Variants in PRTG observed in about 807,000 individuals in gnomAD.
PRTG encodes protogenin.
PRTG carries 67 observed loss-of-function variants against 122.5 expected under a neutral mutation model. The observed-to-expected ratio is 0.55, with a 90% CI of 0.45 to 0.67. PRTG has a LOEUF of 0.67. PRTG is among the 30% of genes least tolerant of loss of function. The pLI, the probability that PRTG is intolerant of heterozygous loss-of-function variation, is 0.00. For synonymous variants in PRTG, 554 were observed against 501.1 expected, an observed-to-expected ratio of 1.11 and a Z score of -1.41; for missense variants, 1,435 against 1,415.4, an observed-to-expected ratio of 1.01 and a Z score of -0.22.
rs1449792976 is a variant in PRTG, at chr15:55,637,330, G to A, written c.2463C>T (p.Gly821=). Residue 821 remains glycine, a synonymous_variant, in exon 15 of 20, where the codon GGC becomes GGT. Transcript: ENST00000389286. ...ATGTCACTTTTACTCCAACTGGTGG[G>A]CCTGCTGGTGCTGTGCAGACACAAC... ...YHSTLPEAPA[G]PPVGVKVTLI... 6.2e-7 allele frequency: 1 copy of A among 1,611,324 alleles called. No homozygotes were observed. Among genetic ancestry groups the A allele is most frequent in the South Asian group, 1.1e-5 (1 of 90,418 alleles).
At chr15:55,678,369 C>T (rs762733969) in intron 7 of PRTG, among the ~76,000 whole-genome samples, 7 of 152,108 alleles carry the variant, frequency 4.6e-5, no homozygotes, top group Non-Finnish European at 1.0e-4. Flanking sequence ...CTTGCCTCAT[C>T]CTCCTGAGTA....
At chr15:55,730,379 G>A (rs1250964891) in intron 2 of PRTG, among the ~76,000 whole-genome samples, 1 of 151,966 alleles carries the variant, frequency 6.6e-6, no homozygotes, top group African/African-American at 2.4e-5. Context: ...TGGGATTACA[G>A]GCATGTGCCA....
In PRTG at chr15:55,675,498, TC is replaced by T. The variant is rs1165583452; in HGVS notation, c.1546+20del. ...CATACGAATGTTCATACTGAAATGA[TC>T]TAGAATCATGTTTTCTTACCATCCT... On this transcript the variant is annotated intron_variant, in intron 9 of 19. Transcript: ENST00000389286. 2 of 1,559,406 alleles carry T rather than the reference TC, an allele frequency of 1.3e-6. No homozygotes were observed. Among genetic ancestry groups the T allele is most frequent in the African/African-American group, 2.7e-5 (2 of 73,866 alleles).
chr15:55,710,083 C>T (rs1225333097), intron 2 of PRTG, among the ~76,000 whole-genome samples: 3 of 152,008 alleles, frequency 2.0e-5, no homozygotes, highest in Admixed American at 6.6e-5. Flanking sequence ...CAGAAAAAAG[C>T]CCCCGAAGAA....
At chr15:55,721,182 A>C (rs1347560970) in intron 2 of PRTG, among the ~76,000 whole-genome samples, 2 of 152,038 alleles carry the variant, frequency 1.3e-5, no homozygotes, top group Non-Finnish European at 2.9e-5. Flanking sequence ...ATAACCTAAA[A>C]TGTGTCTTCC....
chr15:55,681,567 A>G (rs1450628136), intron 4 of PRTG: 1 of 152,068 alleles, frequency 6.6e-6, no homozygotes, highest in African/African-American at 2.4e-5. Context: ...TAACAATGAT[A>G]ATTTTTGCAT....
At chr15:55,741,514 A>G (rs780664494) in intron 1 of PRTG, among the ~76,000 whole-genome samples, 1 of 152,210 alleles carries the variant, frequency 6.6e-6, no homozygotes, top group Non-Finnish European at 1.5e-5. Flanking sequence ...GCATATACAC[A>G]TCGCCCCTGG....
In PRTG at chr15:55,680,628, G is replaced by C; in HGVS notation, c.677C>G (p.Ala226Gly). ...TGTGTGGAAGGATTTTGACTCCTTA[G>C]CTTTGGGGAGGAAAAGACAGAATAT... is the stretch of plus-strand genomic sequence containing the variant. ...SMEASLTVIP[A>G]KESKSFHTPT... The change falls in exon 5 of 20, where the codon GCT becomes GGT. Residue 226 changes from alanine to glycine, a missense_variant and splice_region_variant. By Grantham distance (60) the Ala-to-Gly change is moderately conservative. Coordinates refer to ENST00000389286, the MANE Select transcript of PRTG (RefSeq NM_173814.6). 1 of 1,501,024 alleles carries C rather than the reference G, an allele frequency of 6.7e-7. No individual in the cohort carries two copies. The allele number at this position is 1,501,024 out of a possible 1,614,324, so 93.0% of individuals were successfully genotyped here.
intron 11 of PRTG, among the ~76,000 whole-genome samples, chr15:55,666,807 GCTAA>G (rs2059441688): frequency 6.6e-6 from 1 of 152,070 alleles, no homozygotes; most frequent in African/African-American, 2.4e-5. Flanking sequence ...CAGGCACTAT[GCTAA>G]CTTTTATGTG....
intron 1 of PRTG, 134 bp downstream of exon 1, chr15:55,742,704 G>A: frequency 2.8e-6 from 3 of 1,076,134 alleles, no homozygotes; most frequent in South Asian, 2.9e-5. Context: ...GCGAGAGCGG[G>A]GGCCGGGGGT....
In PRTG at chr15:55,616,848, G is replaced by A. The variant is rs138739455; in HGVS notation, c.*3164C>T. The A allele has an allele frequency of 1.3e-5, 2 of 151,650 alleles. No individual in the cohort carries two copies. The highest frequency in any genetic ancestry group is 2.9e-5 in the Non-Finnish European group (2 of 67,914). 9.4% of individuals were successfully genotyped at this position (151,650 alleles called of 1,614,324 possible). On this transcript the variant is annotated 3_prime_UTR_variant, in exon 20 of 20. Transcript: ENST00000389286. ...TGCTACTAAAGCTAGATTCTCTATC[G>A]GCCTCTAAATAAATTTATTTCAAAT...
intron 2 of PRTG, among the ~76,000 whole-genome samples, chr15:55,698,925 C>T (rs2059646951): frequency 6.6e-6 from 1 of 151,958 alleles, no homozygotes; most frequent in Non-Finnish European, 1.5e-5. Flanking sequence ...CTTAGTTCTG[C>T]TCTTCCCCTT....
At chr15:55,707,714 A>C (rs932453581) in intron 2 of PRTG, among the ~76,000 whole-genome samples, 1 of 152,222 alleles carries the variant, frequency 6.6e-6, no homozygotes, top group African/African-American at 2.4e-5. Flanking sequence ...TCATTCAAGC[A>C]CAGAGAGGTT....
In PRTG at chr15:55,619,194, A is replaced by T. The variant is rs1461815233; in HGVS notation, c.*818T>A. ...TTGGGATATAGGAGATAAAGCACTC[A>T]GACTCTAATGCCCAAAACATAAAGG... On this transcript the variant is annotated 3_prime_UTR_variant, in exon 20 of 20. Transcript: ENST00000389286. The T allele has an allele frequency of 3.3e-5, 5 of 152,172 alleles. No homozygotes were observed. The highest frequency in any genetic ancestry group is 1.5e-5 in the Non-Finnish European group (1 of 68,046). The allele number at this position is 152,172 out of a possible 1,614,324, so 9.4% of individuals were successfully genotyped here.
At position 55,612,966 on chromosome 15, in the gene PRTG, TGAAAA is replaced by T. The variant is rs918667797; in HGVS notation, c.*7041_*7045del. ...CAAAATATAATTGCAAAGGCTGACT[TGAAAA>T]GAAAGAGTCTGTAAAATCTTTCACA... On this transcript the variant is annotated 3_prime_UTR_variant, in exon 20 of 20. Transcript: ENST00000389286. 2 of 151,906 alleles carry T rather than the reference TGAAAA, an allele frequency of 1.3e-5. No homozygotes were observed. The highest frequency in any genetic ancestry group is 2.4e-5 in the African/African-American group (1 of 41,346). 9.4% of individuals were successfully genotyped at this position (151,906 alleles called of 1,614,324 possible).
chr15:55,725,452 C>T (rs182369488), intron 2 of PRTG, among the ~76,000 whole-genome samples: 10 of 151,828 alleles, frequency 6.6e-5, no homozygotes, highest in Admixed American at 3.9e-4. Context: ...AAAAATCAGC[C>T]GGGCATGGTA....
chr15:55,726,850 G>C (rs1290137737), intron 2 of PRTG, among the ~76,000 whole-genome samples: 2 of 151,558 alleles, frequency 1.3e-5, no homozygotes, highest in African/African-American at 4.8e-5. Context: ...AGGAGGCTGA[G>C]GCAGGAGGAC....
chr15:55,727,706 G>C (rs1472254370), intron 2 of PRTG, among the ~76,000 whole-genome samples: 1 of 152,162 alleles, frequency 6.6e-6, no homozygotes, highest in South Asian at 2.1e-4. Flanking sequence ...TGAGGCAGAA[G>C]AATCACTTGA....
intron 2 of PRTG, among the ~76,000 whole-genome samples, chr15:55,688,546 G>A (rs1283822207): frequency 6.6e-6 from 1 of 152,104 alleles, no homozygotes; most frequent in Non-Finnish European, 1.5e-5. Flanking sequence ...GTTTATGAAA[G>A]GCACTCCAGG....
Sources: allele counts gnomAD v4.1 joint callset (sites outside exome capture counted in the v4.1 genomes callset), GRCh38; gene constraint gnomAD v4.1.1; transcripts MANE v1.5; gene names NCBI Gene and HGNC (gene_info 2026-07-23, HGNC 2026-07-21).